The following SMOC2 variants were observed in gnomAD, a reference collection of about 807,000 sequenced individuals.
SMOC2 encodes SPARC related modular calcium binding 2.
A neutral mutation model predicts 61.4 loss-of-function variants in SMOC2; 39 were observed. That is an observed-to-expected ratio of 0.64 (90% CI 0.49 to 0.83). The LOEUF is 0.83. Among genes scored for constraint, SMOC2 ranks in the 40% least tolerant of loss-of-function variants. SMOC2 has a pLI of 0.00. For missense variants in SMOC2, 556 were observed against 592.9 expected (o/e 0.94, Z 0.65); for synonymous variants, 247 against 239.9 (o/e 1.03, Z -0.27).
chr6:168,559,586 T>C (rs1327514091), intron 7 of SMOC2, among the ~76,000 whole-genome samples: 1 of 152,188 alleles, frequency 6.6e-6, no homozygotes, highest in Non-Finnish European at 1.5e-5. Flanking sequence ...ATAATTAATA[T>C]GGCCCATGAA....
At chr6:168,541,021 G>A (rs16887112) in intron 4 of SMOC2, among the ~76,000 whole-genome samples, 15,746 of 152,220 alleles carry the variant, frequency 0.1, 877 homozygotes, top group South Asian at 0.17. Flanking sequence ...CTGGTAACAC[G>A]TTGTTAAGGC....
chr6:168,644,956 G>T (rs191075846), intron 9 of SMOC2, among the ~76,000 whole-genome samples: 51 of 152,210 alleles, frequency 3.4e-4, no homozygotes, highest in Non-Finnish European at 6.3e-4. Context: ...ACAAGTGAAT[G>T]CCTACTTACA....
chr6:168,550,827 T>C (rs150915188), intron 7 of SMOC2, among the ~76,000 whole-genome samples: 214 of 152,352 alleles, frequency 1.4e-3, no homozygotes, highest in African/African-American at 4.7e-3. Context: ...TCATGAACTT[T>C]TGACACTGGG....
At chr6:168,495,567 G>A (rs1356836654) in intron 1 of SMOC2, among the ~76,000 whole-genome samples, 2 of 152,212 alleles carry the variant, frequency 1.3e-5, no homozygotes, top group Non-Finnish European at 1.5e-5. Context: ...CAGCCCTGAA[G>A]TTCGCAATGC....
chr6:168,561,820 G>A (rs372344081), intron 7 of SMOC2, among the ~76,000 whole-genome samples: 14 of 88 alleles, frequency 0.16, 2 homozygotes, highest in African/African-American at 0.23. Flanking sequence ...CTCTCACTGC[G>A]TTCTTGGAGG....
At chr6:168,664,804 A>G in intron 12 of SMOC2, 1 of 471,148 alleles carries the variant, frequency 2.1e-6, no homozygotes, top group Non-Finnish European at 4.4e-6. Context: ...TTTCCAGAAG[A>G]TAAACATGAG....
chr6:168,483,253 A>G (rs994616348), intron 1 of SMOC2, among the ~76,000 whole-genome samples: 3 of 152,056 alleles, frequency 2.0e-5, no homozygotes, highest in Non-Finnish European at 4.4e-5. Context: ...GTAGCAGGAT[A>G]TAGAATTAAA....
chr6:168,634,486 C>T (rs557200355), intron 9 of SMOC2, among the ~76,000 whole-genome samples: 1 of 152,214 alleles, frequency 6.6e-6, no homozygotes, highest in Non-Finnish European at 1.5e-5. Context: ...GATCCTACCA[C>T]TTCATGCCCA....
At chr6:168,583,200 C>T (rs974960643) in intron 7 of SMOC2, among the ~76,000 whole-genome samples, 1 of 152,240 alleles carries the variant, frequency 6.6e-6, no homozygotes, top group Non-Finnish European at 1.5e-5. Flanking sequence ...CCAGGCAGAG[C>T]AGCTGAGGTG....
chr6:168,531,085 A>G (rs530639865), intron 4 of SMOC2, among the ~76,000 whole-genome samples: 3 of 152,280 alleles, frequency 2.0e-5, no homozygotes, highest in African/African-American at 7.2e-5. Flanking sequence ...CCCACAGCTG[A>G]GAGTCAGAAA....
chr6:168,497,909 A>AC (rs2115038863), intron 1 of SMOC2, among the ~76,000 whole-genome samples: 1 of 152,316 alleles, frequency 6.6e-6, no homozygotes, highest in Admixed American at 6.5e-5. Context: ...AGATGGAGAC[A>AC]CAGGGCTGGA....
Position 168,526,351 on chromosome 6 carries a change from T to C in SMOC2, c.262T>C (p.Ser88Pro). 1 of 1,614,134 alleles carries C rather than the reference T, an allele frequency of 6.2e-7. No homozygotes were observed. Among genetic ancestry groups the C allele is most frequent in the South Asian group, 1.1e-5 (1 of 91,080 alleles). Residue 88 changes from serine to proline, a missense_variant, in exon 3 of 13, where the codon TCC becomes CCC. Coordinates refer to ENST00000356284, the MANE Select transcript of SMOC2 (RefSeq NM_001166412.2). ...TGCCCTGTTCTTCCCTACAGACGTG[T>C]CCAGGTGTGTGGCCGAAAGGAAGTA... Reference protein sequence around the residue: ...IAYRGNCKDVSRCVAERKYTQ... With the variant: ...IAYRGNCKDVPRCVAERKYTQ...
At chr6:168,570,322 G>T (rs754266462) in intron 7 of SMOC2, among the ~76,000 whole-genome samples, 1 of 152,180 alleles carries the variant, frequency 6.6e-6, no homozygotes, top group South Asian at 2.1e-4. Flanking sequence ...CTCTGTGGGG[G>T]TCTCTTCAGG....
rs60003358 is a variant in SMOC2, at chr6:168,447,344, C to T, written c.84+5890C>T. Among the ~76,000 whole-genome samples, 676 of 152,246 alleles carry T rather than the reference C, an allele frequency of 4.4e-3. 7 individuals carry two copies. The highest frequency in any genetic ancestry group is 0.014 in the African/African-American group (593 of 41,546). ...CTGTGGCTGGTCATCGATTTTCTTT[C>T]TCTTTTATGCTTCTGCCCAAATTAG... is the stretch of plus-strand genomic sequence containing the variant. On this transcript the variant is annotated intron_variant, in intron 1 of 12. Coordinates refer to ENST00000356284, the MANE Select transcript of SMOC2 (RefSeq NM_001166412.2).
At chr6:168,547,274 T>C (rs1784026095) in intron 6 of SMOC2, 105 bp downstream of exon 6, 1 of 950,348 alleles carries the variant, frequency 1.1e-6, no homozygotes, top group Non-Finnish European at 1.7e-6. Context: ...CCGTTCAGTA[T>C]GGAGTGTAAC....
rs1370435884 is a variant in SMOC2, at chr6:168,535,786, A to T, written c.464-7839A>T. Among the ~76,000 whole-genome samples, 5 of 152,198 alleles carry T rather than the reference A, an allele frequency of 3.3e-5. No individual in the cohort carries two copies. The highest frequency in any genetic ancestry group is 4.1e-4 in the South Asian group (2 of 4,832). On this transcript the variant is annotated intron_variant, in intron 4 of 12. Transcript: ENST00000356284. The surrounding 1 kb of genome is among the most constrained non-coding windows in gnomAD (Gnocchi z 4.6). ...GGAGAGAGGCAGCGCCGCCGGGGGA[A>T]GATGGGAGGGAGACCAATGCGCAGT...
intron 4 of SMOC2, among the ~76,000 whole-genome samples, chr6:168,534,164 CTG>C (rs1783680095): frequency 6.6e-6 from 1 of 152,116 alleles, no homozygotes; most frequent in Non-Finnish European, 1.5e-5. Context: ...TAAATTTACT[CTG>C]TAACACGTAA....
intron 8 of SMOC2, among the ~76,000 whole-genome samples, chr6:168,599,692 TCACA>T (rs1329928457): frequency 6.3e-4 from 65 of 103,656 alleles, no homozygotes; most frequent in African/African-American, 2.4e-3. Context: ...TCTCACACTC[TCACA>T]CACACACCCA....
At chr6:168,661,922 A>T (rs1188739509) in intron 11 of SMOC2, among the ~76,000 whole-genome samples, 1 of 152,220 alleles carries the variant, frequency 6.6e-6, no homozygotes, top group South Asian at 2.1e-4. Context: ...CCAACTATTT[A>T]AAAAAATCAT....
Sources: allele counts gnomAD v4.1 joint callset (sites outside exome capture counted in the v4.1 genomes callset), GRCh38; gene constraint gnomAD v4.1.1; non-coding constraint Gnocchi (gnomAD v3.1); transcripts MANE v1.5; gene names NCBI Gene and HGNC (gene_info 2026-07-23, HGNC 2026-07-21).